Variants in HCFC1 observed in about 807,000 individuals in gnomAD.
HCFC1 encodes host cell factor 1.
In HCFC1, 7 loss-of-function variants were observed where a neutral mutation model predicts 105.5. The observed-to-expected ratio is 0.07, with a 90% CI of 0.04 to 0.12. HCFC1 has a LOEUF of 0.12. HCFC1 is among the 10% of genes least tolerant of loss of function. The probability of loss-of-function intolerance (pLI) is 1.00; values close to 1 mark genes in which losing one functional copy is unlikely to be tolerated. For synonymous variants in HCFC1, 918 were observed against 828.1 expected (o/e 1.11, Z -1.86); for missense variants, 1,065 against 1,823.6 (o/e 0.58, Z 7.58).
At chrX:153,954,033 A>C (rs1557113472) in intron 17 of HCFC1, 33 bp downstream of exon 17, 1 of 1,164,337 alleles carries the variant, frequency 8.6e-7, no homozygotes, top group Non-Finnish European at 1.2e-6. Flanking sequence ...GGGCTGGGAG[A>C]CCATGAAAGC....
At chrX:153,953,498 C>G in intron 18 of HCFC1, 109 bp downstream of exon 18, 1 of 814,974 alleles carries the variant, frequency 1.2e-6, no homozygotes, top group Non-Finnish European at 1.8e-6. Context: ...GAAAAGGGAC[C>G]AGGAGCGGCC....
At chrX:153,953,817 C>G in intron 17 of HCFC1, 47 bp from the exon 18 acceptor site, 1 of 1,147,459 alleles carries the variant, frequency 8.7e-7, no homozygotes, top group Non-Finnish European at 1.2e-6. Flanking sequence ...GCCCCCCCGG[C>G]CTGTACTTGG....
chrX:153,964,110 G>C lies in HCFC1; in HGVS notation c.503+14C>G, dbSNP rs371163886. 9.8e-4 allele frequency: 1,159 copies of C among 1,185,008 alleles called. No individual in the cohort carries two copies. The highest frequency in any genetic ancestry group is 1.1e-3 in the Non-Finnish European group (977 of 878,514). On this transcript the variant is annotated intron_variant, in intron 3 of 25. Coordinates refer to ENST00000310441, the MANE Select transcript of HCFC1 (RefSeq NM_005334.3). ...CCCACCCGGGGGGTTCCAGAGAAAA[G>C]GACCAAGCCTCACCTTGGAATGTTG...
chrX:153,966,798 T>G (rs934519095), intron 1 of HCFC1, among the ~76,000 whole-genome samples: 2 of 112,436 alleles, frequency 1.8e-5, no homozygotes, highest in African/African-American at 6.5e-5. Flanking sequence ...CTCACTCCCC[T>G]GAGCACCCTC....
rs1159012830 is a variant in HCFC1, at chrX:153,952,379, C to G, written c.4942+135G>C. ...CTCTACTACTTGGCCTGCCTGGGGT[C>G]CCCTGTGCTCGTCCTCCCCATCACA... On this transcript the variant is annotated intron_variant, in intron 19 of 25. Coordinates refer to ENST00000310441, the MANE Select transcript of HCFC1 (RefSeq NM_005334.3). 17 of 887,620 alleles carry G rather than the reference C, an allele frequency of 1.9e-5. No individual in the cohort carries two copies. In the African/African-American group the frequency reaches 3.0e-4, roughly 16 times the overall value. 73.1% of individuals were successfully genotyped at this position (887,620 alleles called of 1,213,427 possible). A position where few individuals can be genotyped will look rare whatever the true frequency, so the allele number is the denominator to read the frequency against.
At chrX:153,961,387 C>T (rs1557116848) in intron 6 of HCFC1, among the ~76,000 whole-genome samples, 155 bp downstream of exon 6, 1 of 112,057 alleles carries the variant, frequency 8.9e-6, no homozygotes, top group African/African-American at 3.2e-5. Context: ...CGGAACATTG[C>T]TTCAGAGAGC....
chrX:153,949,253 C>G lies in HCFC1; in HGVS notation c.*94G>C, dbSNP rs1374353952. ...AACAGCGGCTCGCGAGGGTGAAGTG[C>G]GAATGCTGGGACGGGGTGGGAGGGG... On this transcript the variant is annotated 3_prime_UTR_variant, in exon 26 of 26. Transcript: ENST00000310441. 10 of 608,641 alleles carry G rather than the reference C, an allele frequency of 1.6e-5. No individual in the cohort carries two copies. In the Admixed American group the frequency reaches 3.3e-4, roughly 20 times the overall value. 50.2% of individuals were successfully genotyped at this position (608,641 alleles called of 1,213,427 possible).
At position 153,961,535 on chromosome X, in the gene HCFC1, G is replaced by T; in HGVS notation, c.904+7C>A. 1 of 1,176,146 alleles carries T rather than the reference G, an allele frequency of 8.5e-7. No individual in the cohort carries two copies. Among genetic ancestry groups the T allele is most frequent in the Non-Finnish European group, 1.2e-6 (1 of 864,655 alleles). ...CACAGGCCACTCGGAGCCCGAGGAG[G>T]CCATACCCAGGTTGAGACAAGCCAG... On this transcript the variant is annotated splice_region_variant and intron_variant, in intron 6 of 25. Transcript: ENST00000310441.
rs183246703 is a variant in HCFC1 at position 153,964,247 on chromosome X, G to A, written c.380C>T (p.Thr127Met). The change falls in exon 3 of 26, where the codon ACG (threonine) becomes ATG (methionine). Residue 127 changes from threonine to methionine, a missense_variant. Physicochemically the swap from Thr to Met is moderately conservative, Grantham distance 81. Coordinates refer to ENST00000310441, the MANE Select transcript of HCFC1 (RefSeq NM_005334.3). The part of the protein sequence containing the change: ...RWEWKRLKAK[T>M]PKNGPPPCPR... ...ACACGGAGGGGGCCCGTTTTTGGGC[G>A]TCTTTGCTTTGAGTCTCTTCCACTC... is the stretch of plus-strand genomic sequence containing the variant. The A allele has an allele frequency of 5.9e-5, 71 of 1,197,921 alleles. No individual in the cohort carries two copies. Among genetic ancestry groups the A allele is most frequent in the Non-Finnish European group, 7.8e-5 (69 of 888,003 alleles).
At chrX:153,967,042 C>T (rs2065479605) in intron 1 of HCFC1, among the ~76,000 whole-genome samples, 1 of 112,272 alleles carries the variant, frequency 8.9e-6, no homozygotes, top group Admixed American at 9.3e-5. Context: ...CCTCCCCACC[C>T]CCGTCAAGAG....
chrX:153,964,099 T>A lies in HCFC1; in HGVS notation c.503+25A>T, dbSNP rs782640241. On this transcript the variant is annotated intron_variant, in intron 3 of 25. Transcript: ENST00000310441. ...GTGAGAGCACACCCACCCGGGGGGT[T>A]CCAGAGAAAAGGACCAAGCCTCACC... 2.6e-6 allele frequency: 3 copies of A among 1,173,269 alleles called. No homozygotes were observed. In the African/African-American group the frequency reaches 5.3e-5, roughly 21 times the overall value.
intron 24 of HCFC1, 40 bp downstream of exon 24, chrX:153,950,203 G>C (rs942319708): frequency 9.0e-7 from 1 of 1,111,300 alleles, no homozygotes; most frequent in African/African-American, 1.8e-5. Flanking sequence ...GGCTTCCTGG[G>C]CCTTCCCTGT....
At chrX:153,967,526 T>C (rs2065483424) in intron 1 of HCFC1, among the ~76,000 whole-genome samples, 1 of 112,081 alleles carries the variant, frequency 8.9e-6, no homozygotes, top group African/African-American at 3.2e-5. Context: ...GAGCATTTCC[T>C]GTGTGGCATA....
At chrX:153,957,936 C>A in intron 11 of HCFC1, 50 bp from the exon 12 acceptor site, 1 of 1,152,678 alleles carries the variant, frequency 8.7e-7, no homozygotes, top group Admixed American at 2.2e-5. Flanking sequence ...CAAACAAGGG[C>A]ATGGCCTGGC....
In HCFC1 at chrX:153,953,770, T is replaced by C. The variant is rs782122807; in HGVS notation, c.4334A>G (p.Asp1445Gly). ...TVTSNMSSNQ[D>G]PPPAASDQGE... is the part of the protein sequence containing the mutation. Reference sequence around the variant, plus strand: ...CTGATCGCTGGCAGCAGGTGGGGGGTCTGTGGGGGCGACAGGCAGGCGGCT... The same window carrying C: ...CTGATCGCTGGCAGCAGGTGGGGGGCCTGTGGGGGCGACAGGCAGGCGGCT... Residue 1445 changes from aspartate to glycine, a missense_variant and splice_region_variant, in exon 18 of 26, where the codon GAC (aspartate) becomes GGC (glycine). Transcript: ENST00000310441. 2 of 1,200,259 alleles carry C rather than the reference T, an allele frequency of 1.7e-6. No homozygotes were observed. Among genetic ancestry groups the C allele is most frequent in the Admixed American group, 4.4e-5 (2 of 45,224 alleles).
Position 153,959,840 on chromosome X carries a change from C to A in HCFC1, c.1406G>T (p.Gly469Val). The A allele has an allele frequency of 8.4e-7, 1 of 1,183,503 alleles. No individual in the cohort carries two copies. The part of the protein sequence containing the change: ...TTIQVLPTVP[G>V]SSISVPTAAR... ...TGCGGTGGGCACAGAAATGGAGCTG[C>A]CAGGCACCGTTGGCAAGACCTGGAT... The change falls in exon 8 of 26, where the codon GGC (glycine) becomes GTC (valine). Residue 469 changes from glycine to valine, a missense_variant. Coordinates refer to ENST00000310441, the MANE Select transcript of HCFC1 (RefSeq NM_005334.3).
At position 153,960,419 on chromosome X, in the gene HCFC1, G is replaced by A. The variant is rs1557116524; in HGVS notation, c.905-5C>T. 8.5e-7 allele frequency: 1 copy of A among 1,177,790 alleles called. No homozygotes were observed. The highest frequency in any genetic ancestry group is 1.1e-6 in the Non-Finnish European group (1 of 873,933). ...TGGTCTCCCAGGCCATGGTATCTGG[G>A]GGAGGGCAGACAAGGGAGGTCAGCA... On this transcript the variant is annotated splice_region_variant and splice_polypyrimidine_tract_variant and intron_variant, in intron 6 of 25. Transcript: ENST00000310441.
At chrX:153,964,841 C>T (rs1056092867) in intron 1 of HCFC1, 115 bp from the exon 2 acceptor site, 46 of 790,063 alleles carry the variant, frequency 5.8e-5, no homozygotes, top group Non-Finnish European at 7.1e-5. Context: ...ACCATCCCTG[C>T]GGGCGCTCTA....
At position 153,959,357 on chromosome X, in the gene HCFC1, C is replaced by T. The variant is rs1269409943; in HGVS notation, c.1579G>A (p.Val527Met). ...TSLPAGVRMVVPTQSAQGTVI... is the reference protein window; with the variant it reads ...TSLPAGVRMVMPTQSAQGTVI... Reference sequence around the variant, plus strand: ...GTTCCCTGGGCACTCTGTGTTGGCACAACCATCCGCACTCCGGCGGGAAGG... The same window carrying T: ...GTTCCCTGGGCACTCTGTGTTGGCATAACCATCCGCACTCCGGCGGGAAGG... Residue 527 changes from valine to methionine, a missense_variant, in exon 9 of 26, where the codon GTG becomes ATG. By Grantham distance (21) the Val-to-Met change is conservative (BLOSUM62 1). Coordinates refer to ENST00000310441, the MANE Select transcript of HCFC1 (RefSeq NM_005334.3). 1 of 1,209,376 alleles carries T rather than the reference C, an allele frequency of 8.3e-7. No homozygotes were observed. The highest frequency in any genetic ancestry group is 1.1e-6 in the Non-Finnish European group (1 of 894,876).
Sources: gnomAD v4.1 joint callset for allele counts (sites outside exome capture counted in the v4.1 genomes callset) on GRCh38, gnomAD v4.1.1 for gene constraint, MANE v1.5 for transcripts, NCBI Gene and HGNC (gene_info 2026-07-23, HGNC 2026-07-21) for gene names.